ALG13: variants seen among roughly 807,000 people sequenced by gnomAD.
ALG13 encodes the protein ALG13 UDP-N-acetylglucosaminyltransferase subunit, also known as UDP-N-acetylglucosamine transferase subunit ALG13.
A neutral mutation model predicts 87.8 loss-of-function variants in ALG13; 11 were observed. The ratio of observed to expected loss-of-function variants is 0.13; its 90% CI spans 0.08 to 0.21. The LOEUF (loss-of-function observed/expected upper bound fraction) is 0.21, where lower values mean the gene tolerates loss of function less well. Ranked by LOEUF, ALG13 falls within the 10% of genes least tolerant of loss-of-function variation. ALG13 has a pLI of 1.00. For missense variants in ALG13, 756 were observed against 866.1 expected, an observed-to-expected ratio of 0.87 and a Z score of 1.60; for synonymous variants, 320 against 306.3, an observed-to-expected ratio of 1.04 and a Z score of -0.47.
intron 10 of ALG13, among the ~76,000 whole-genome samples, chrX:111,718,761 T>A (rs894441946): frequency 8.9e-6 from 1 of 112,273 alleles, no homozygotes; most frequent in Non-Finnish European, 1.9e-5. Context: ...ATCCAGCCAG[T>A]AGAAAATTTC....
intron 3 of ALG13, among the ~76,000 whole-genome samples, chrX:111,697,486 A>G (rs1937126972): frequency 8.9e-6 from 1 of 111,935 alleles, no homozygotes; most frequent in African/African-American, 3.2e-5. Flanking sequence ...CCCTTGGGCA[A>G]GAGGCAATCT....
chrX:111,740,631 G>A (rs1374418936), intron 23 of ALG13, among the ~76,000 whole-genome samples: 1 of 110,675 alleles, frequency 9.0e-6, no homozygotes, highest in Non-Finnish European at 1.9e-5. Flanking sequence ...ATACCAGATA[G>A]CAAGGAACAT....
At chrX:111,690,750 G>A (rs931443548) in intron 3 of ALG13, among the ~76,000 whole-genome samples, 3 of 109,283 alleles carry the variant, frequency 2.7e-5, no homozygotes, top group Non-Finnish European at 3.8e-5. Flanking sequence ...CACTGCACCC[G>A]GCTCTACTTT....
intron 3 of ALG13, 83 bp from the exon 4 acceptor site, chrX:111,707,944 A>C: frequency 1.0e-6 from 1 of 987,915 alleles, no homozygotes; most frequent in Non-Finnish European, 1.4e-6. Flanking sequence ...AACTCTAAGT[A>C]CTTTCTCCCT....
chrX:111,751,619 G>A (rs1354897646), intron 24 of ALG13, among the ~76,000 whole-genome samples: 1 of 111,449 alleles, frequency 9.0e-6, no homozygotes, highest in Non-Finnish European at 1.9e-5. Context: ...AGAATCCCAT[G>A]CCACTCATGA....
Position 111,744,762 on chromosome X carries a change from ACCACCACCT to A in ALG13, c.2793_2801del (p.Pro943_Pro945del), listed in dbSNP as rs1944073301. The A allele has an allele frequency of 2.3e-6, 2 of 884,109 alleles. No homozygotes were observed. The highest frequency in any genetic ancestry group is 5.3e-5 in the South Asian group (2 of 37,626). The allele number at this position is 884,109 out of a possible 1,213,427, so 72.9% of individuals were successfully genotyped here. ...CACCACCACCACCACCACCACCACC[ACCACCACCT>A]CCTCCTCCTCCTCCTCCTCCTCCTC... On this transcript the variant is annotated inframe_deletion, in exon 24 of 27. Transcript: ENST00000394780.
chrX:111,693,431 A>G (rs1013860817), intron 3 of ALG13, among the ~76,000 whole-genome samples: 1 of 108,782 alleles, frequency 9.2e-6, no homozygotes, highest in Non-Finnish European at 1.9e-5. Flanking sequence ...TTTTTAGTAG[A>G]GACGGGGTTT....
rs1160640023 is a variant in ALG13 at position 111,720,149 on chromosome X, T to G, written c.1305T>G (p.Asn435Lys). 1 of 1,187,298 alleles carries G rather than the reference T, an allele frequency of 8.4e-7. No homozygotes were observed. The highest frequency in any genetic ancestry group is 1.1e-6 in the Non-Finnish European group (1 of 881,535). ...YNAENIPEGY[N>K]KGTEETKSPE... ...CTGAAAATATACCAGAGGGCTACAA[T>G]AAAGGAACAGAAGAAACAAAGGTTT... The change falls in exon 11 of 27, where the codon AAT becomes AAG. Residue 435 changes from asparagine (N) to lysine (K), a missense_variant. Asn to Lys is a moderately conservative substitution (Grantham distance 94, BLOSUM62 0). This residue lies in a region of ALG13 where 48 missense variants were observed against 50.5 expected (regional missense o/e 0.95). Transcript: ENST00000394780.
Position 111,711,705 on chromosome X carries a change from G to T in ALG13, c.865G>T (p.Glu289Ter). Reference sequence around the variant, plus strand: ...GGAGGGATCTTTTGAGAAATACCTGGAACGGTTGGGAGATCCCAAGGTAAG... The same window carrying T: ...GGAGGGATCTTTTGAGAAATACCTGTAACGGTTGGGAGATCCCAAGGTAAG... ...YVEGSFEKYL[E>*]RLGDPKESAG... is the part of the protein sequence containing the mutation. The change falls in exon 6 of 27, where the codon GAA becomes TAA. Residue 289 changes from glutamate (E) to a stop codon, truncating the protein, a stop_gained. Coordinates refer to ENST00000394780, the MANE Select transcript of ALG13 (RefSeq NM_001099922.3). LOFTEE classifies it high-confidence loss of function. 1 of 1,207,903 alleles carries T rather than the reference G, an allele frequency of 8.3e-7. No individual in the cohort carries two copies. The highest frequency in any genetic ancestry group is 1.1e-6 in the Non-Finnish European group (1 of 893,302).
At chrX:111,686,117 A>T in intron 3 of ALG13, 1 of 1,082,797 alleles carries the variant, frequency 9.2e-7, no homozygotes, top group Non-Finnish European at 1.2e-6. Flanking sequence ...GAAGAAAATT[A>T]CTTGTTTGTT....
intron 3 of ALG13, chrX:111,688,171 A>G: frequency 1.2e-6 from 1 of 834,068 alleles, no homozygotes; most frequent in African/African-American, 2.1e-5. Context: ...ATTGGGTCCA[A>G]ATCCTAATTG....
At chrX:111,736,263 A>G (rs1943232807) in intron 22 of ALG13, among the ~76,000 whole-genome samples, 1 of 111,982 alleles carries the variant, frequency 8.9e-6, no homozygotes, top group African/African-American at 3.2e-5. Flanking sequence ...AAATCATGCC[A>G]CTTCACTCCA....
chrX:111,686,439 CATT>C (rs1051894452), intron 3 of ALG13, among the ~76,000 whole-genome samples: 1 of 111,902 alleles, frequency 8.9e-6, no homozygotes, highest in Non-Finnish European at 1.9e-5. Flanking sequence ...ATGTGCCAGG[CATT>C]GTTCTAGGCA....
Position 111,684,985 on chromosome X carries a change from A to T in ALG13, c.265A>T (p.Thr89Ser). 1 of 1,208,346 alleles carries T rather than the reference A, an allele frequency of 8.3e-7. No individual in the cohort carries two copies. The highest frequency in any genetic ancestry group is 1.1e-6 in the Non-Finnish European group (1 of 894,200). The change falls in exon 3 of 27, where the codon ACT (threonine) becomes TCT (serine). Residue 89 changes from threonine to serine, a missense_variant. Transcript: ENST00000394780. ...SHAGAGSCLE[T>S]LEKGKPLVVV... is the part of the protein sequence containing the mutation. ...TGTAGGTGCAGGAAGCTGTTTGGAGACTCTGGAAAAAGGAAAGCCACTCGT... is the reference window on the plus strand; with the variant it reads ...TGTAGGTGCAGGAAGCTGTTTGGAGTCTCTGGAAAAAGGAAAGCCACTCGT...
At chrX:111,682,403 T>C (rs991142266) in intron 2 of ALG13, 109 bp downstream of exon 2, 15 of 602,752 alleles carry the variant, frequency 2.5e-5, no homozygotes, top group Admixed American at 4.1e-5. Flanking sequence ...GTTACAAAGG[T>C]AAACGTGTGC....
chrX:111,708,888 C>G, intron 4 of ALG13, 77 bp from the exon 5 acceptor site: 1 of 629,793 alleles, frequency 1.6e-6, no homozygotes, highest in Non-Finnish European at 2.4e-6. Context: ...CCTTAAGTGT[C>G]CAGTTCATAG....
chrX:111,753,138 T>C (rs1030420729), intron 25 of ALG13: 8 of 173,812 alleles, frequency 4.6e-5, no homozygotes, highest in South Asian at 3.1e-4. Flanking sequence ...TGGTGTTCTG[T>C]CTCAAAATAA....
At chrX:111,711,256 G>A (rs758973616) in intron 5 of ALG13, among the ~76,000 whole-genome samples, 124 of 112,075 alleles carry the variant, frequency 1.1e-3, no homozygotes, top group Non-Finnish European at 2.0e-3. Context: ...TAAAAGGTTC[G>A]CTTGTCCCAT....
intron 25 of ALG13, 26 bp downstream of exon 25, chrX:111,752,856 G>C: frequency 8.7e-7 from 1 of 1,149,526 alleles, no homozygotes; most frequent in South Asian, 1.9e-5. Context: ...AAATTTCTTT[G>C]ATAAGCCCTA....
Sources: allele counts gnomAD v4.1 joint callset (sites outside exome capture counted in the v4.1 genomes callset), GRCh38; gene constraint gnomAD v4.1.1; regional missense constraint gnomAD v4.1.1; transcripts MANE v1.5; gene names NCBI Gene and HGNC (gene_info 2026-07-23, HGNC 2026-07-21).